ITFG2: variants seen among roughly 807,000 people sequenced by gnomAD.
ITFG2 encodes KICSTOR complex protein ITFG2.
Under a neutral mutation model 54.4 loss-of-function variants are expected in ITFG2, and 36 were observed. The observed-to-expected ratio is 0.66, with a 90% confidence interval of 0.51 to 0.87. The LOEUF is 0.87. ITFG2 is among the 40% of genes least tolerant of loss of function. ITFG2 has a pLI of 0.00. For synonymous variants in ITFG2, 211 were observed against 225.4 expected, an observed-to-expected ratio of 0.94 and a Z score of 0.57; for missense variants, 524 against 576.7, an observed-to-expected ratio of 0.91 and a Z score of 0.94.
intron 2 of ITFG2, among the ~76,000 whole-genome samples, chr12:2,850,771 C>T (rs1314267182): frequency 6.6e-6 from 1 of 151,712 alleles, no homozygotes; most frequent in Non-Finnish European, 1.5e-5. Context: ...CTCCCAGGCT[C>T]AAGTGATTCT....
At chr12:2,826,891 C>T, downstream of ITFG2, 3 of 919,490 alleles carry the variant, frequency 3.3e-6, no homozygotes, top group Non-Finnish European at 4.2e-6. Flanking sequence ...TTCGACCCAG[C>T]CCAAGCAGGC....
upstream of ITFG2, among the ~76,000 whole-genome samples, chr12:2,832,976 C>T (rs1300498856): frequency 1.3e-5 from 2 of 151,938 alleles, no homozygotes; most frequent in African/African-American, 4.8e-5. Context: ...CACTTCCCAT[C>T]TTCCACCTTC....
chr12:2,845,669 C>T lies in ITFG2; in HGVS notation n.300+4674C>T, dbSNP rs1212213272. 6.6e-6 allele frequency among the ~76,000 whole-genome samples: 1 copy of T among 152,062 alleles called. No homozygotes were observed. The highest frequency in any genetic ancestry group is 6.5e-5 in the Admixed American group (1 of 15,268). ...GGGGAAAGGGGTGTCCATACCTTCA[C>T]CCCTGCCTCCCTCTCAGAGCTGCAC... On this transcript the variant is annotated intron_variant and non_coding_transcript_variant, in intron 2 of 3. Coordinates refer to the ITFG2 transcript ENST00000537710. This position sits in a 1 kb window ranked among gnomAD's most constrained non-coding sequence, Gnocchi z 4.2.
intron 2 of ITFG2, among the ~76,000 whole-genome samples, chr12:2,856,459 G>A (rs998837913): frequency 2.6e-5 from 4 of 152,094 alleles, no homozygotes; most frequent in Non-Finnish European, 5.9e-5. Context: ...TCCACCTCCC[G>A]GGTTCAAGTG....
intron 2 of ITFG2, among the ~76,000 whole-genome samples, chr12:2,849,871 A>G (rs1313410150): frequency 1.3e-5 from 2 of 152,222 alleles, no homozygotes; most frequent in Non-Finnish European, 2.9e-5. Context: ...CAGTGGGAAA[A>G]TCACAGAACT....
At chr12:2,858,974 G>A (rs141697908) in intron 3 of ITFG2, 11 of 1,613,360 alleles carry the variant, frequency 6.8e-6, no homozygotes, top group Middle Eastern at 1.6e-4. Context: ...GCCCCAGGGG[G>A]TCAGGCAAGG....
chr12:2,855,953 T>C (rs2098085945), intron 2 of ITFG2, among the ~76,000 whole-genome samples: 1 of 151,990 alleles, frequency 6.6e-6, no homozygotes, highest in Non-Finnish European at 1.5e-5. Context: ...CAATACTCAT[T>C]TGTCCGTCAC....
chr12:2,827,491 G>T, downstream of ITFG2: 2 of 1,547,020 alleles, frequency 1.3e-6, no homozygotes, highest in South Asian at 2.5e-5. The surrounding 1 kb of genome is among the most constrained non-coding windows in gnomAD (Gnocchi z 4.0). Flanking sequence ...GGTAAGTAAG[G>T]AACCTCTAAG....
At position 2,817,889 on chromosome 12, in the gene ITFG2, C is replaced by T. The variant is rs956156172; in HGVS notation, c.193-20C>T. The T allele has an allele frequency of 2.5e-6, 4 of 1,612,098 alleles. No homozygotes were observed. Among genetic ancestry groups the T allele is most frequent in the Non-Finnish European group, 1.7e-6 (2 of 1,179,246 alleles). On this transcript the variant is annotated intron_variant, in intron 2 of 11. Transcript: ENST00000228799. ...TGGTCTCCCTTAGCGTCTCCCTGAG[C>T]CTCCCTTTCTCTCTTACAGCTGACT... is the stretch of plus-strand genomic sequence containing the variant.
At chr12:2,842,847 T>C (rs1290701887) in intron 2 of ITFG2, among the ~76,000 whole-genome samples, 1 of 152,198 alleles carries the variant, frequency 6.6e-6, no homozygotes, top group Non-Finnish European at 1.5e-5. Flanking sequence ...AGAATCTCAA[T>C]TCTCTCAGGA....
intron 3 of ITFG2, chr12:2,859,181 G>C (rs2153931426): frequency 6.2e-7 from 1 of 1,610,280 alleles, no homozygotes; most frequent in Non-Finnish European, 8.5e-7. Context: ...GGGAGGCAGG[G>C]TCAGAGGAGT....
Position 2,812,829 on chromosome 12 carries a change from C to G in ITFG2, c.69C>G (p.Ile23Met). The G allele has an allele frequency of 6.2e-7, 1 of 1,612,968 alleles. No individual in the cohort carries two copies. The highest frequency in any genetic ancestry group is 8.5e-7 in the Non-Finnish European group (1 of 1,179,208). The change falls in exon 1 of 12, where the codon ATC (isoleucine) becomes ATG (methionine). Residue 23 changes from isoleucine (I) to methionine (M), a missense_variant. Ile to Met is a conservative substitution (Grantham distance 10). Coordinates refer to ENST00000228799, the MANE Select transcript of ITFG2 (RefSeq NM_018463.4). ...GCGGGAGCCTCTTCCCGCACGCAAT[C>G]TGCCTCGGAGACGTTGATAACGATA... The part of the protein sequence containing the change: ...EFSGSLFPHA[I>M]CLGDVDNDTL...
intron 2 of ITFG2, chr12:2,817,541 G>T (rs1017387992): frequency 5.9e-5 from 33 of 564,086 alleles, no homozygotes; most frequent in Non-Finnish European, 9.8e-5. Flanking sequence ...TTTTTGTGTC[G>T]TGGAGTACTC....
downstream of ITFG2, chr12:2,826,795 T>G: frequency 8.5e-6 from 2 of 234,470 alleles, no homozygotes. Flanking sequence ...GCCCAGAAGG[T>G]GTGGTGAGAG....
At chr12:2,843,044 G>A (rs2098045152) in intron 2 of ITFG2, among the ~76,000 whole-genome samples, 2 of 152,132 alleles carry the variant, frequency 1.3e-5, no homozygotes, top group Admixed American at 1.3e-4. Context: ...TGTCTCTGCT[G>A]GTGGGGATGG....
At chr12:2,831,761 C>G (rs193076825), downstream of ITFG2, among the ~76,000 whole-genome samples, 3 of 151,188 alleles carry the variant, frequency 2.0e-5, no homozygotes, top group African/African-American at 7.4e-5. Context: ...TCTTTCTTTT[C>G]TTTCTTTTTC....
chr12:2,857,027 T>C (rs1343308495), intron 2 of ITFG2: 6 of 702,836 alleles, frequency 8.5e-6, no homozygotes, highest in Non-Finnish European at 1.6e-5. Flanking sequence ...TACTGGCCAT[T>C]CTTCTGGGCC....
chr12:2,829,477 AG>A (rs2097988910), downstream of ITFG2, among the ~76,000 whole-genome samples: 1 of 152,214 alleles, frequency 6.6e-6, no homozygotes, highest in African/African-American at 2.4e-5. Flanking sequence ...GGTCTATAAA[AG>A]GATGTGAATG....
intron 1 of ITFG2, among the ~76,000 whole-genome samples, chr12:2,814,069 G>A (rs986528302): frequency 6.6e-6 from 1 of 152,094 alleles, no homozygotes; most frequent in African/African-American, 2.4e-5. Context: ...CCAACCTCCT[G>A]CGTAGCTGGG....
Sources: allele counts gnomAD v4.1 joint callset (sites outside exome capture counted in the v4.1 genomes callset), GRCh38; gene constraint gnomAD v4.1.1; non-coding constraint Gnocchi (gnomAD v3.1); transcripts MANE v1.5; gene names NCBI Gene and HGNC (gene_info 2026-07-23, HGNC 2026-07-21).